The following MAOB variants were observed in gnomAD, a reference collection of about 807,000 sequenced individuals.
MAOB encodes amine oxidase [flavin-containing] B.
A neutral mutation model predicts 41.9 loss-of-function variants in MAOB; 15 were observed. The ratio of observed to expected loss-of-function variants is 0.36; its 90% CI spans 0.24 to 0.55. The LOEUF is 0.55. MAOB is among the 20% of genes least tolerant of loss of function. The probability of loss-of-function intolerance (pLI) is 0.86; values close to 1 mark genes in which losing one functional copy is unlikely to be tolerated. For missense variants in MAOB, 345 were observed against 398.7 expected (o/e 0.87, Z 1.15); for synonymous variants, 167 against 144.2 (o/e 1.16, Z -1.13).
intron 6 of MAOB, 74 bp from the exon 7 acceptor site, chrX:43,795,962 A>G (rs1331802585): frequency 3.3e-5 from 34 of 1,028,247 alleles, no homozygotes; most frequent in Middle Eastern, 5.5e-4. Context: ...TTGTCCTCAC[A>G]TATGTCTACT....
At chrX:43,873,457 A>T (rs2147182474) in intron 1 of MAOB, among the ~76,000 whole-genome samples, 1 of 110,786 alleles carries the variant, frequency 9.0e-6, no homozygotes, top group East Asian at 2.8e-4. Flanking sequence ...GGAGAGTAGA[A>T]TTAAAAATGG....
chrX:43,774,262 C>A (rs1221242817), intron 12 of MAOB, among the ~76,000 whole-genome samples: 2 of 111,445 alleles, frequency 1.8e-5, no homozygotes, highest in Non-Finnish European at 3.8e-5. Flanking sequence ...TCATAAAAAT[C>A]ACTGCTATAT....
chrX:43,777,062 A>G (rs1419816482), intron 11 of MAOB, among the ~76,000 whole-genome samples: 4 of 110,728 alleles, frequency 3.6e-5, no homozygotes, highest in Non-Finnish European at 5.7e-5. Flanking sequence ...TAGTGCCGCA[A>G]TAAACATACG....
intron 1 of MAOB, among the ~76,000 whole-genome samples, chrX:43,868,441 T>C (rs1191269105): frequency 8.9e-6 from 1 of 111,737 alleles, no homozygotes; most frequent in Non-Finnish European, 1.9e-5. Flanking sequence ...CATTTCCCCC[T>C]TGGACACATT....
chrX:43,830,914 A>C (rs2035011154), intron 3 of MAOB, among the ~76,000 whole-genome samples: 1 of 111,526 alleles, frequency 9.0e-6, no homozygotes, highest in South Asian at 3.8e-4. Flanking sequence ...ACAGGTACAA[A>C]CATCCTTCTT....
intron 1 of MAOB, among the ~76,000 whole-genome samples, chrX:43,852,204 C>T (rs2035256535): frequency 8.9e-6 from 1 of 112,104 alleles, no homozygotes; most frequent in East Asian, 2.8e-4. Flanking sequence ...GGCAATGTCA[C>T]ATAAACTGAG....
intron 8 of MAOB, among the ~76,000 whole-genome samples, chrX:43,785,097 G>A (rs773671150): frequency 7.6e-4 from 86 of 113,108 alleles, no homozygotes; most frequent in African/African-American, 2.6e-3. Context: ...GCCGTGAGCC[G>A]AGATCGCGCC....
chrX:43,825,528 C>T (rs946908642), intron 3 of MAOB, among the ~76,000 whole-genome samples: 6 of 111,319 alleles, frequency 5.4e-5, no homozygotes, highest in Non-Finnish European at 9.4e-5. Flanking sequence ...TAACCCCACA[C>T]TCCCGTTCTC....
At chrX:43,877,507 C>T (rs1019496606) in intron 1 of MAOB, among the ~76,000 whole-genome samples, 3 of 111,772 alleles carry the variant, frequency 2.7e-5, no homozygotes, top group Non-Finnish European at 5.6e-5. Context: ...AATCAAGCTC[C>T]TAACACCTTG....
intron 1 of MAOB, among the ~76,000 whole-genome samples, chrX:43,844,099 C>T (rs2035172947): frequency 9.0e-6 from 1 of 111,632 alleles, no homozygotes; most frequent in Non-Finnish European, 1.9e-5. Flanking sequence ...GTTGCAGACA[C>T]AGGACTAAGT....
chrX:43,817,203 G>A (rs1052992990), intron 3 of MAOB, among the ~76,000 whole-genome samples: 2 of 108,401 alleles, frequency 1.8e-5, no homozygotes, highest in African/African-American at 6.8e-5. Flanking sequence ...TCTTTGGGGA[G>A]TCTGGTGAAT....
At chrX:43,824,387 T>C (rs1485383774) in intron 3 of MAOB, among the ~76,000 whole-genome samples, 2 of 112,053 alleles carry the variant, frequency 1.8e-5, no homozygotes, top group Non-Finnish European at 3.8e-5. Context: ...TGGCCCTTCA[T>C]AGGAAAAGAT....
chrX:43,869,774 T>C (rs1159746623), intron 1 of MAOB, among the ~76,000 whole-genome samples: 2 of 112,241 alleles, frequency 1.8e-5, no homozygotes, highest in Non-Finnish European at 3.8e-5. Flanking sequence ...AAAATGGTTA[T>C]TTCCAAGTAG....
chrX:43,802,499 G>A (rs981348743), intron 4 of MAOB, among the ~76,000 whole-genome samples: 20 of 111,686 alleles, frequency 1.8e-4, no homozygotes, highest in African/African-American at 6.2e-4. Context: ...TATTTAATTT[G>A]TGATAAAACT....
chrX:43,826,924 G>T (rs2034954576), intron 3 of MAOB, among the ~76,000 whole-genome samples: 1 of 112,107 alleles, frequency 8.9e-6, no homozygotes, highest in South Asian at 3.8e-4. Flanking sequence ...TCCAACCAAA[G>T]TATCTGCCGT....
intron 1 of MAOB, among the ~76,000 whole-genome samples, chrX:43,849,578 G>A (rs1282579642): frequency 1.8e-5 from 2 of 112,705 alleles, no homozygotes; most frequent in Non-Finnish European, 3.8e-5. Context: ...GCAGAGTGGG[G>A]GACTGCATTA....
At chrX:43,866,380 C>G (rs1428894385) in intron 1 of MAOB, among the ~76,000 whole-genome samples, 1 of 112,313 alleles carries the variant, frequency 8.9e-6, no homozygotes, top group East Asian at 2.8e-4. Context: ...TCCCAATTCA[C>G]AAGTTGTACT....
intron 1 of MAOB, among the ~76,000 whole-genome samples, chrX:43,859,443 T>C: frequency 8.9e-6 from 1 of 111,988 alleles, no homozygotes; most frequent in Non-Finnish European, 1.9e-5. Context: ...AAATGGCTGC[T>C]TTATAGCTTT....
chrX:43,814,630 C>T (rs2034786511), intron 3 of MAOB, among the ~76,000 whole-genome samples: 1 of 111,636 alleles, frequency 9.0e-6, no homozygotes, highest in African/African-American at 3.3e-5. Flanking sequence ...GGAAATGAAC[C>T]AATCATCTGT....
Sources: gnomAD v4.1 joint callset for allele counts (sites outside exome capture counted in the v4.1 genomes callset) on GRCh38, gnomAD v4.1.1 for gene constraint, MANE v1.5 for transcripts, NCBI Gene and HGNC (gene_info 2026-07-23, HGNC 2026-07-21) for gene names.